The following ABCA12 variants were observed in gnomAD, a reference collection of about 807,000 sequenced individuals.
The protein encoded by ABCA12 is glucosylceramide transporter ABCA12.
ABCA12 carries 156 observed loss-of-function variants against 293.5 expected under a neutral mutation model. The observed-to-expected ratio is 0.53, with a 90% CI of 0.47 to 0.61. The LOEUF (loss-of-function observed/expected upper bound fraction) is 0.61, where lower values mean the gene tolerates loss of function less well. ABCA12 is among the 20% of genes least tolerant of loss of function. The pLI is 0.00. For synonymous variants in ABCA12, 1,063 were observed against 1,108.0 expected (o/e 0.96, Z 0.81); for missense variants, 2,797 against 3,090.2 (o/e 0.91, Z 2.25).
intron 29 of ABCA12, 64 bp downstream of exon 29, chr2:214,983,583 C>T (rs1274474086): frequency 7.0e-6 from 10 of 1,425,284 alleles, no homozygotes; most frequent in African/African-American, 4.2e-5. Flanking sequence ...AGAACTTTAC[C>T]AACCAAGCTA....
Position 214,974,781 on chromosome 2 carries a change from T to A in ABCA12, c.5465A>T (p.Asp1822Val). ...TAGAAGAGCAAGAACCACTTACAGA[T>A]CACTGGTGTTCAGACACATGTTGTC... ...GIDNMCLNTS[D>V]LQCLNKDSLE... Residue 1822 changes from aspartate (D) to valine (V), a missense_variant, in exon 35 of 53, where the codon GAT becomes GTT. Asp to Val is a radical substitution (Grantham distance 152). This residue lies in a region of ABCA12 where 2,130 missense variants were observed against 2,427.0 expected (regional missense o/e 0.88). Transcript: ENST00000272895. The A allele has an allele frequency of 6.2e-7, 1 of 1,613,958 alleles. No homozygotes were observed. The highest frequency in any genetic ancestry group is 2.2e-5 in the East Asian group (1 of 44,868).
chr2:215,026,605 G>A (rs1700750276), intron 10 of ABCA12, among the ~76,000 whole-genome samples: 2 of 152,154 alleles, frequency 1.3e-5, no homozygotes, highest in South Asian at 2.1e-4. Context: ...GTTTGTCCAG[G>A]TGGCCAGCTA....
At chr2:215,018,186 T>C in intron 13 of ABCA12, 54 bp from the exon 14 acceptor site, 5 of 1,582,096 alleles carry the variant, frequency 3.2e-6, no homozygotes, top group Non-Finnish European at 4.3e-6. Context: ...CAGGTCACTC[T>C]TTTTAGTATG....
Position 215,138,377 on chromosome 2 carries a change from T to G in ABCA12, c.-169A>C. On this transcript the variant is annotated 5_prime_UTR_variant, in exon 1 of 53. Transcript: ENST00000272895. ...CCACAGTTCTTCTGTTTCTGCTGGA[T>G]TTTTCCCTGTGGTTAATCCTTAACC... is the stretch of plus-strand genomic sequence containing the variant. The G allele has an allele frequency of 1.4e-6, 1 of 716,338 alleles. No individual in the cohort carries two copies. The highest frequency in any genetic ancestry group is 2.5e-6 in the Non-Finnish European group (1 of 405,924). The allele number at this position is 716,338 out of a possible 1,614,324, so 44.4% of individuals were successfully genotyped here.
intron 2 of ABCA12, chr2:215,075,460 G>C: frequency 1.5e-6 from 1 of 650,014 alleles, no homozygotes; most frequent in Non-Finnish European, 2.7e-6. Context: ...GGTTCAGACA[G>C]GAGCGAGAGT....
intron 43 of ABCA12, 116 bp from the exon 44 acceptor site, chr2:214,954,223 G>A: frequency 8.9e-7 from 1 of 1,118,966 alleles, no homozygotes; most frequent in Non-Finnish European, 1.3e-6. Flanking sequence ...ATCTAGATTG[G>A]CAATTATTTC....
intron 50 of ABCA12, among the ~76,000 whole-genome samples, chr2:214,939,193 T>C (rs1020555418): frequency 1.1e-4 from 16 of 152,248 alleles, no homozygotes; most frequent in African/African-American, 3.9e-4. Context: ...CTAGCCAGTT[T>C]TCCCAACACC....
At chr2:214,941,568 G>T (rs72948339) in intron 50 of ABCA12, among the ~76,000 whole-genome samples, 1,595 of 151,796 alleles carry the variant, frequency 0.011, 13 homozygotes, top group South Asian at 0.041. Flanking sequence ...CTTCCCCTGT[G>T]ATTGTGTGGG....
intron 12 of ABCA12, 32 bp downstream of exon 12, chr2:215,019,508 T>A: frequency 1.9e-6 from 3 of 1,614,122 alleles, no homozygotes; most frequent in Non-Finnish European, 2.5e-6. Flanking sequence ...GAAAGAGATT[T>A]CACCAAGGAA....
intron 28 of ABCA12, 26 bp from the exon 29 acceptor site, chr2:214,983,891 G>C (rs1201316984): frequency 6.2e-7 from 1 of 1,601,112 alleles, no homozygotes; most frequent in African/African-American, 1.3e-5. Flanking sequence ...TGATAAATTA[G>C]GTATAAGCCA....
intron 33 of ABCA12, among the ~76,000 whole-genome samples, chr2:214,978,052 A>G (rs1223187722): frequency 1.3e-5 from 2 of 152,108 alleles, no homozygotes; most frequent in African/African-American, 4.8e-5. Context: ...CTTGAAAACA[A>G]TTTCTGGTGG....
At chr2:215,040,110 C>T (rs970742479) in intron 7 of ABCA12, among the ~76,000 whole-genome samples, 4 of 152,154 alleles carry the variant, frequency 2.6e-5, no homozygotes, top group South Asian at 2.1e-4. Flanking sequence ...AAGTTAGTAA[C>T]GTTACACATT....
chr2:214,974,022 CTGTCTT>C lies in ABCA12; in HGVS notation c.5483_5488del (p.Lys1828_Asp1829del), dbSNP rs773360367. On this transcript the variant is annotated inframe_deletion, in exon 36 of 53. Transcript: ENST00000272895. The stretch of plus-strand genomic sequence containing the variant: ...TCCACTGGTGTTCCATTTTTCCAGA[CTGTCTT>C]TGTTTAAACACTGTCTGCAAGTTAA... 3.7e-6 allele frequency: 6 copies of C among 1,613,834 alleles called. No homozygotes were observed. Among genetic ancestry groups the C allele is most frequent in the South Asian group, 3.3e-5 (3 of 91,074 alleles).
chr2:214,948,552 C>T, intron 47 of ABCA12, 44 bp downstream of exon 47: 3 of 1,608,292 alleles, frequency 1.9e-6, no homozygotes, highest in Non-Finnish European at 1.7e-6. Flanking sequence ...GAAGTAGAAA[C>T]AATAATGGTT....
rs556531533 is a variant in ABCA12 at position 215,006,057 on chromosome 2, A to C, written c.2592+1670T>G. 2.0e-5 allele frequency among the ~76,000 whole-genome samples: 3 copies of C among 152,280 alleles called. No homozygotes were observed. In the East Asian group the frequency reaches 5.8e-4, roughly 29 times the overall value. On this transcript the variant is annotated intron_variant, in intron 19 of 52. Coordinates refer to ENST00000272895, the MANE Select transcript of ABCA12 (RefSeq NM_173076.3). ...AATATTATTTCCTCAATAATCGAAAATAATTAATTTTGCTCTGGACAGAAT... is the reference window on the plus strand; with the variant it reads ...AATATTATTTCCTCAATAATCGAAACTAATTAATTTTGCTCTGGACAGAAT...
chr2:215,130,593 C>A (rs1395032275), intron 1 of ABCA12, among the ~76,000 whole-genome samples: 1 of 152,064 alleles, frequency 6.6e-6, no homozygotes, highest in Non-Finnish European at 1.5e-5. Context: ...CTGAGACTTA[C>A]TAAAGTCACT....
At chr2:215,059,070 T>G (rs1002283372) in intron 3 of ABCA12, among the ~76,000 whole-genome samples, 16 of 152,040 alleles carry the variant, frequency 1.1e-4, no homozygotes, top group African/African-American at 3.9e-4. Context: ...AAGGGACATA[T>G]GGCAAATCCT....
At chr2:215,137,985 T>C (rs1475872523) in intron 1 of ABCA12, among the ~76,000 whole-genome samples, 155 bp downstream of exon 1, 3 of 152,216 alleles carry the variant, frequency 2.0e-5, no homozygotes. Context: ...CCATTAGCTA[T>C]AAGACAGATA....
chr2:214,980,597 C>A lies in ABCA12; in HGVS notation c.4626G>T (p.Val1542=). 2 of 1,614,104 alleles carry A rather than the reference C, an allele frequency of 1.2e-6. No individual in the cohort carries two copies. Among genetic ancestry groups the A allele is most frequent in the Non-Finnish European group, 1.7e-6 (2 of 1,180,000 alleles). The change falls in exon 31 of 53, where the codon GTG becomes GTT. Residue 1542 remains valine (V), a synonymous_variant. Coordinates refer to ENST00000272895, the MANE Select transcript of ABCA12 (RefSeq NM_173076.3). ...LSTHHLDEAE[V]LSDRIAFLEQ... is the part of the protein sequence containing the mutation. ...CCAGGAAGGCGATGCGGTCACTCAGCACTTCAGCCTCGTCCAAGTGGTGCG... is the reference window on the plus strand; with the variant it reads ...CCAGGAAGGCGATGCGGTCACTCAGAACTTCAGCCTCGTCCAAGTGGTGCG...
Sources: gnomAD v4.1 joint callset for allele counts (sites outside exome capture counted in the v4.1 genomes callset) on GRCh38, gnomAD v4.1.1 for gene constraint, gnomAD v4.1.1 regional missense constraint, MANE v1.5 for transcripts, NCBI Gene and HGNC (gene_info 2026-07-23, HGNC 2026-07-21) for gene names.